The following PHF24 variants were observed in gnomAD, a reference collection of about 807,000 sequenced individuals.
PHF24 encodes Galpha inhibitory interacting protein.
Under a neutral mutation model 42.6 loss-of-function variants are expected in PHF24, and 25 were observed. That is an observed-to-expected ratio of 0.59 (90% CI 0.43 to 0.82). The LOEUF (loss-of-function observed/expected upper bound fraction) is 0.82. PHF24 is among the 40% of genes least tolerant of loss of function. The pLI is 0.00. For synonymous variants in PHF24, 185 were observed against 204.8 expected (o/e 0.90, Z 0.83); for missense variants, 470 against 538.1 (o/e 0.87, Z 1.25).
the PHF24 span, among the ~76,000 whole-genome samples, chr9:34,851,581 C>T: frequency 2.6e-5 from 4 of 152,212 alleles, no homozygotes; most frequent in South Asian, 2.1e-4. Context: ...CGCCCTGCTT[C>T]GGCTCGCACA....
At chr9:34,949,687 G>A in the PHF24 span, among the ~76,000 whole-genome samples, 2 of 152,058 alleles carry the variant, frequency 1.3e-5, no homozygotes, top group Non-Finnish European at 1.5e-5. Flanking sequence ...GAATGAGTTC[G>A]TGTCCTTTGC....
chr9:34,862,007 T>C, the PHF24 span, among the ~76,000 whole-genome samples: 72,979 of 151,906 alleles, frequency 0.48, 18,275 homozygotes, highest in East Asian at 0.67. Flanking sequence ...GCCAGCATGA[T>C]GGGGTTCTGG....
At chr9:34,678,105 T>A in the PHF24 span, 1 of 152,044 alleles carries the variant, frequency 6.6e-6, no homozygotes, top group Non-Finnish European at 1.5e-5. Context: ...GGCAGAAAAA[T>A]GTGAAAAGAG....
the PHF24 span, among the ~76,000 whole-genome samples, chr9:34,933,115 G>T: frequency 6.7e-6 from 1 of 149,618 alleles, no homozygotes; most frequent in Non-Finnish European, 1.5e-5. Flanking sequence ...ATGCCACCAC[G>T]CCCTGCTAAC....
intron 3 of PHF24, among the ~76,000 whole-genome samples, chr9:34,974,404 A>G (rs999032141): frequency 8.5e-5 from 13 of 152,164 alleles, no homozygotes; most frequent in African/African-American, 3.1e-4. Context: ...AAGTATTTTT[A>G]TGAGAATTAT....
At chr9:34,847,334 T>TCCTAGGTA in the PHF24 span, among the ~76,000 whole-genome samples, 9 of 152,352 alleles carry the variant, frequency 5.9e-5, no homozygotes, top group South Asian at 1.9e-3. Context: ...TAAGTTGGAT[T>TCCTAGGTA]CCTAGGTATT....
At chr9:34,886,956 A>G in the PHF24 span, among the ~76,000 whole-genome samples, 32 of 152,142 alleles carry the variant, frequency 2.1e-4, no homozygotes, top group African/African-American at 7.7e-4. Context: ...TCTAAGCAAC[A>G]TATACATCTC....
the PHF24 span, among the ~76,000 whole-genome samples, chr9:34,886,742 A>ATCTGTCTG: frequency 9.3e-3 from 1,003 of 107,808 alleles, 9 homozygotes; most frequent in Middle Eastern, 0.014. Flanking sequence ...TTTTATATCT[A>ATCTGTCTG]TCTATCTATC....
At chr9:34,701,013 C>CT in the PHF24 span, among the ~76,000 whole-genome samples, 1 of 152,162 alleles carries the variant, frequency 6.6e-6, no homozygotes, top group Non-Finnish European at 1.5e-5. The surrounding 1 kb of genome is among the most constrained non-coding windows in gnomAD (Gnocchi z 5.8). Flanking sequence ...GGCATCAGCG[C>CT]TACGTGCTTC....
chr9:34,936,636 C>G, the PHF24 span, among the ~76,000 whole-genome samples: 1 of 151,728 alleles, frequency 6.6e-6, no homozygotes, highest in Admixed American at 6.6e-5. Flanking sequence ...GCGCCTCTTC[C>G]CGGCCGCCAT....
the PHF24 span, among the ~76,000 whole-genome samples, chr9:34,908,611 A>G: frequency 3.3e-3 from 510 of 152,246 alleles, 1 homozygote; most frequent in South Asian, 0.018. Flanking sequence ...CAACTCATGC[A>G]TGTCTCTGGG....
chr9:34,716,905 G>T, the PHF24 span, among the ~76,000 whole-genome samples: 23 of 152,230 alleles, frequency 1.5e-4, no homozygotes, highest in African/African-American at 4.8e-4. Flanking sequence ...CACTGCACCC[G>T]GCCTGGTTTT....
At chr9:34,786,892 C>T in the PHF24 span, among the ~76,000 whole-genome samples, 1 of 152,178 alleles carries the variant, frequency 6.6e-6, no homozygotes, top group Non-Finnish European at 1.5e-5. Context: ...GGTGTTTTAT[C>T]TCCTGAAACG....
the PHF24 span, among the ~76,000 whole-genome samples, chr9:34,757,201 C>A: frequency 6.6e-6 from 1 of 152,124 alleles, no homozygotes; most frequent in Admixed American, 6.5e-5. Flanking sequence ...CTGCACCCTG[C>A]CCCTCAGTGT....
the PHF24 span, among the ~76,000 whole-genome samples, chr9:34,863,269 C>G: frequency 3.3e-5 from 5 of 152,106 alleles, no homozygotes; most frequent in African/African-American, 1.2e-4. Context: ...GCCCTAGGGC[C>G]TTGAGCAAAC....
the PHF24 span, among the ~76,000 whole-genome samples, chr9:34,747,639 T>A: frequency 6.6e-6 from 1 of 152,148 alleles, no homozygotes; most frequent in African/African-American, 2.4e-5. Context: ...TTTAAAAAAT[T>A]GACAATGCCA....
chr9:34,948,715 C>A, the PHF24 span, among the ~76,000 whole-genome samples: 12 of 152,118 alleles, frequency 7.9e-5, no homozygotes, highest in Admixed American at 3.3e-4. Flanking sequence ...AATTACCTAA[C>A]AACACGTTTC....
chr9:34,724,926 TCTCAA>T, the PHF24 span: 1 of 1,551,144 alleles, frequency 6.4e-7, no homozygotes, highest in Non-Finnish European at 8.7e-7. Context: ...GTCTCCAGTT[TCTCAA>T]TGGCTTCCAC....
At chr9:34,835,016 T>C in the PHF24 span, 6 of 1,463,576 alleles carry the variant, frequency 4.1e-6, no homozygotes, top group Non-Finnish European at 5.6e-6. Context: ...TAGCTGGCTG[T>C]ATTTCTGCTG....
Sources: allele counts gnomAD v4.1 joint callset (sites outside exome capture counted in the v4.1 genomes callset), GRCh38; gene constraint gnomAD v4.1.1; non-coding constraint Gnocchi (gnomAD v3.1); transcripts MANE v1.5; gene names NCBI Gene and HGNC (gene_info 2026-07-23, HGNC 2026-07-21).